The following LDHB variants were observed in gnomAD, a reference collection of about 807,000 sequenced individuals.
LDHB encodes the protein L-lactate dehydrogenase B chain.
In LDHB, 18 loss-of-function variants were observed where a neutral mutation model predicts 33.4. That is an observed-to-expected ratio of 0.54 (90% CI 0.37 to 0.80). The LOEUF (loss-of-function observed/expected upper bound fraction) is 0.80, where lower values mean the gene tolerates loss of function less well. Ranked by LOEUF, LDHB falls within the 30% of genes least tolerant of loss-of-function variation. LDHB has a pLI of 0.00. For missense variants in LDHB, 345 were observed against 407.9 expected (o/e 0.85, Z 1.33); for synonymous variants, 121 against 140.6 (o/e 0.86, Z 0.98).
intron 3 of LDHB, among the ~76,000 whole-genome samples, chr12:21,646,158 G>A (rs1938521473): frequency 6.6e-6 from 1 of 152,178 alleles, no homozygotes; most frequent in Non-Finnish European, 1.5e-5. Context: ...TTTTATAACA[G>A]ACTGAGGGAG....
At chr12:21,653,862 A>G (rs1938760740) in intron 2 of LDHB, among the ~76,000 whole-genome samples, 1 of 152,214 alleles carries the variant, frequency 6.6e-6, no homozygotes, top group African/African-American at 2.4e-5. Context: ...AAAGCCATGC[A>G]TGGCACAGAT....
At chr12:21,654,516 A>G (rs1938782164) in intron 2 of LDHB, 27 bp downstream of exon 2, 1 of 1,611,790 alleles carries the variant, frequency 6.2e-7, no homozygotes, top group Non-Finnish European at 8.5e-7. Flanking sequence ...GAACTTCTCT[A>G]TCATCTATGG....
At chr12:21,646,778 G>A (rs949696436) in intron 3 of LDHB, 121 bp downstream of exon 3, 1 of 726,612 alleles carries the variant, frequency 1.4e-6, no homozygotes. Flanking sequence ...TGAAATAACT[G>A]TTCCAAAACT....
At chr12:21,644,440 A>AAAC (rs1938466467) in intron 3 of LDHB, among the ~76,000 whole-genome samples, 2 of 138,860 alleles carry the variant, frequency 1.4e-5, no homozygotes, top group African/African-American at 5.3e-5. Flanking sequence ...AAAAAAAAAA[A>AAAC]AAAAACAAAA....
At chr12:21,650,985 A>C (rs1677083) in intron 2 of LDHB, among the ~76,000 whole-genome samples, 148,161 of 152,368 alleles carry the variant, frequency 0.97, 72,182 homozygotes, top group Middle Eastern at 1. Flanking sequence ...GGCCTGCCTG[A>C]AAAGGCATGC....
At chr12:21,648,290 A>T (rs1042687581) in intron 2 of LDHB, among the ~76,000 whole-genome samples, 1 of 152,124 alleles carries the variant, frequency 6.6e-6, no homozygotes. Context: ...TACTCAAGGG[A>T]TTGGTTCTAG....
intron 1 of LDHB, among the ~76,000 whole-genome samples, chr12:21,656,268 A>C (rs1395510418): frequency 1.3e-5 from 2 of 152,246 alleles, no homozygotes; most frequent in African/African-American, 4.8e-5. Context: ...AGGATAAATT[A>C]AAAGGAGATT....
At chr12:21,654,766 G>A (rs950760747) in intron 1 of LDHB, 89 bp from the exon 2 acceptor site, 8 of 1,067,270 alleles carry the variant, frequency 7.5e-6, no homozygotes, top group African/African-American at 4.6e-5. Flanking sequence ...TTGCAATTTC[G>A]AACTGAAGTA....
intron 5 of LDHB, among the ~76,000 whole-genome samples, chr12:21,639,555 T>A (rs188894031): frequency 9.9e-5 from 15 of 152,188 alleles, no homozygotes; most frequent in African/African-American, 2.6e-4. Context: ...CACCTAGCAA[T>A]GTATAACTAC....
intron 2 of LDHB, 50 bp from the exon 3 acceptor site, chr12:21,647,066 T>G: frequency 1.0e-6 from 1 of 988,734 alleles, no homozygotes; most frequent in South Asian, 1.3e-5. Context: ...CTAGGATGCG[T>G]CAGCTCACAA....
intron 2 of LDHB, among the ~76,000 whole-genome samples, chr12:21,652,292 T>C (rs1204517024): frequency 6.6e-6 from 1 of 152,154 alleles, no homozygotes; most frequent in African/African-American, 2.4e-5. Context: ...GTCACTATGG[T>C]GAAGAGTTCA....
rs547548514 is a variant in LDHB at position 21,655,736 on chromosome 12, A to C, written c.-6-1059T>G. Among the ~76,000 whole-genome samples the C allele has an allele frequency of 3.9e-5, 6 of 152,306 alleles. No homozygotes were observed. The East Asian group carries it at 1.2e-3, about 29-fold the overall frequency. ...ACTAAAGACCCCTAAAATGTAAAAA[A>C]AAAAACAAAACCGAAACCTGTTGGA... is the stretch of plus-strand genomic sequence containing the variant. On this transcript the variant is annotated intron_variant, in intron 1 of 7. Transcript: ENST00000350669.
At chr12:21,644,848 T>C (rs1471928272) in intron 3 of LDHB, among the ~76,000 whole-genome samples, 1 of 152,182 alleles carries the variant, frequency 6.6e-6, no homozygotes, top group African/African-American at 2.4e-5. Context: ...TGAAATAATA[T>C]GTGCAAAATG....
At chr12:21,645,742 C>T (rs901883611) in intron 3 of LDHB, among the ~76,000 whole-genome samples, 2 of 152,094 alleles carry the variant, frequency 1.3e-5, no homozygotes, top group East Asian at 1.9e-4. Context: ...GAGATACGCC[C>T]GATAATGATC....
At chr12:21,656,876 CT>C (rs1251885998) in intron 1 of LDHB, 2 of 152,166 alleles carry the variant, frequency 1.3e-5, no homozygotes, top group East Asian at 1.9e-4. Context: ...AAAGGAGCGC[CT>C]TAATTTCAGG....
At chr12:21,651,322 A>C (rs1938683349) in intron 2 of LDHB, among the ~76,000 whole-genome samples, 1 of 152,242 alleles carries the variant, frequency 6.6e-6, no homozygotes, top group South Asian at 2.1e-4. Context: ...GAGAGTTTTA[A>C]GTAGCGGAGC....
At chr12:21,641,459 A>C (rs2136965274) in intron 5 of LDHB, among the ~76,000 whole-genome samples, 1 of 152,328 alleles carries the variant, frequency 6.6e-6, no homozygotes, top group South Asian at 2.1e-4. Flanking sequence ...AAACAGAGAT[A>C]GACTGAGAAA....
rs1301611564 is a variant in LDHB at position 21,637,057 on chromosome 12, G to C, written c.837+14C>G. The C allele has an allele frequency of 6.3e-7, 1 of 1,588,820 alleles. No individual in the cohort carries two copies. The highest frequency in any genetic ancestry group is 2.2e-5 in the East Asian group (1 of 44,642). Reference sequence around the variant, plus strand: ...GCGAGAAATCATATTACATTTTGTGGTAGTTTGTCTTACCTTTACCATTGT... The same window carrying C: ...GCGAGAAATCATATTACATTTTGTGCTAGTTTGTCTTACCTTTACCATTGT... On this transcript the variant is annotated intron_variant, in intron 7 of 7. Coordinates refer to ENST00000350669, the MANE Select transcript of LDHB (RefSeq NM_002300.8).
At chr12:21,645,456 G>A (rs1938495013) in intron 3 of LDHB, among the ~76,000 whole-genome samples, 1 of 152,156 alleles carries the variant, frequency 6.6e-6, no homozygotes, top group Admixed American at 6.5e-5. Context: ...GAAGGCATCT[G>A]TCTCCTGCTC....
Sources: gnomAD v4.1 joint callset for allele counts (sites outside exome capture counted in the v4.1 genomes callset) on GRCh38, gnomAD v4.1.1 for gene constraint, MANE v1.5 for transcripts, NCBI Gene and HGNC (gene_info 2026-07-23, HGNC 2026-07-21) for gene names.